The following AGMO variants were observed in gnomAD, a reference collection of about 807,000 sequenced individuals.
AGMO encodes glyceryl-ether monooxygenase.
In AGMO, 75 loss-of-function variants were observed where a neutral mutation model predicts 60.2. The ratio of observed to expected loss-of-function variants is 1.25; its 90% CI spans 1.03 to 1.51. AGMO has a LOEUF of 1.51. Among genes scored for constraint, AGMO ranks in the 40% most tolerant of loss-of-function variants. The probability of loss-of-function intolerance (pLI) is 0.00; values close to 1 mark genes in which losing one functional copy is unlikely to be tolerated. For missense variants in AGMO, 763 were observed against 525.5 expected, an observed-to-expected ratio of 1.45 and a Z score of -4.42; for synonymous variants, 261 against 177.1, an observed-to-expected ratio of 1.47 and a Z score of -3.76.
chr7:15,191,209 AT>A, the AGMO span, among the ~76,000 whole-genome samples: 1 of 152,142 alleles, frequency 6.6e-6, no homozygotes, highest in Non-Finnish European at 1.5e-5. Flanking sequence ...GGGAAAGAAA[AT>A]TTTAGACCAT....
intron 10 of AGMO, among the ~76,000 whole-genome samples, chr7:15,375,445 G>C (rs1464042617): frequency 7.1e-6 from 1 of 139,990 alleles, no homozygotes; most frequent in Non-Finnish European, 1.5e-5. Flanking sequence ...GCCTAGGCTG[G>C]AGTGCAGTAG....
At chr7:15,136,413 T>C in the AGMO span, among the ~76,000 whole-genome samples, 1 of 152,344 alleles carries the variant, frequency 6.6e-6, no homozygotes, top group Non-Finnish European at 1.5e-5. Flanking sequence ...ATTCCATTTA[T>C]ATAATCAAGG....
At chr7:15,248,214 A>ATGTATATATATATATATATATG (rs1554401265) in intron 12 of AGMO, among the ~76,000 whole-genome samples, 5 of 71,158 alleles carry the variant, frequency 7.0e-5, no homozygotes, top group Non-Finnish European at 1.5e-4. Context: ...ATATATATAT[A>ATGTATATATATATATATATATG]TATATATATA....
intron 4 of AGMO, among the ~76,000 whole-genome samples, chr7:15,421,047 C>A (rs538989787): frequency 2.0e-4 from 31 of 152,218 alleles, no homozygotes; most frequent in African/African-American, 7.0e-4. Context: ...ACTAAGTGAA[C>A]GTGGCGAGCA....
At chr7:15,497,275 G>C (rs934401577) in intron 3 of AGMO, among the ~76,000 whole-genome samples, 3 of 151,964 alleles carry the variant, frequency 2.0e-5, no homozygotes, top group African/African-American at 7.2e-5. Context: ...TCATGATACA[G>C]GCAAGATTTG....
chr7:15,340,855 T>C (rs1480168585), intron 12 of AGMO, among the ~76,000 whole-genome samples: 1 of 152,114 alleles, frequency 6.6e-6, no homozygotes, highest in African/African-American at 2.4e-5. Context: ...GGGCACTGCC[T>C]AGTGGAGCTG....
intron 12 of AGMO, among the ~76,000 whole-genome samples, chr7:15,280,069 T>C (rs115686327): frequency 0.018 from 2,752 of 152,238 alleles, 93 homozygotes; most frequent in African/African-American, 0.063. Flanking sequence ...TTGGCCAGAA[T>C]CAGGGGGTGA....
the AGMO span, among the ~76,000 whole-genome samples, chr7:15,152,045 T>C: frequency 6.6e-6 from 1 of 152,274 alleles, no homozygotes; most frequent in Non-Finnish European, 1.5e-5. Flanking sequence ...CTATAAGAAC[T>C]TCTCTAATGA....
At chr7:15,190,718 C>T in the AGMO span, among the ~76,000 whole-genome samples, 1 of 152,006 alleles carries the variant, frequency 6.6e-6, no homozygotes, top group Non-Finnish European at 1.5e-5. Flanking sequence ...TTGAGTAGTC[C>T]ATATCTGATC....
chr7:15,193,460 A>G, the AGMO span, among the ~76,000 whole-genome samples: 3 of 152,184 alleles, frequency 2.0e-5, no homozygotes, highest in Non-Finnish European at 4.4e-5. Flanking sequence ...GGTACATAAT[A>G]TAAGTTTATC....
intron 12 of AGMO, among the ~76,000 whole-genome samples, chr7:15,282,592 A>G (rs1783999240): frequency 6.6e-6 from 1 of 152,224 alleles, no homozygotes; most frequent in African/African-American, 2.4e-5. Context: ...TAAAATGGCC[A>G]GACCTAAAAA....
intron 12 of AGMO, among the ~76,000 whole-genome samples, chr7:15,230,785 C>A (rs545705220): frequency 1.6e-4 from 24 of 152,260 alleles, no homozygotes; most frequent in African/African-American, 5.8e-4. Context: ...TCTCTCCCCA[C>A]CGCAGAATCC....
intron 4 of AGMO, among the ~76,000 whole-genome samples, chr7:15,426,829 C>T (rs1781078435): frequency 6.6e-6 from 1 of 151,574 alleles, no homozygotes; most frequent in Non-Finnish European, 1.5e-5. Context: ...ATGGCATGTG[C>T]AAAGAAATAG....
chr7:15,494,588 C>T (rs1009805550), intron 3 of AGMO, among the ~76,000 whole-genome samples: 1 of 152,120 alleles, frequency 6.6e-6, no homozygotes. Flanking sequence ...GGACCATGTG[C>T]CACATGGGAG....
intron 3 of AGMO, among the ~76,000 whole-genome samples, chr7:15,477,467 A>C (rs1468571469): frequency 1.3e-5 from 2 of 152,158 alleles, no homozygotes; most frequent in East Asian, 3.9e-4. Flanking sequence ...ATGTGAATGA[A>C]TGAGACACTG....
chr7:15,280,079 A>C (rs1048454157), intron 12 of AGMO, among the ~76,000 whole-genome samples: 3 of 152,172 alleles, frequency 2.0e-5, no homozygotes, highest in African/African-American at 4.8e-5. Context: ...TCAGGGGGTG[A>C]GTGAGAAGCC....
intron 3 of AGMO, among the ~76,000 whole-genome samples, chr7:15,517,983 G>T (rs1179527359): frequency 6.6e-6 from 1 of 152,080 alleles, no homozygotes; most frequent in Non-Finnish European, 1.5e-5. Context: ...GAGCTTGGTT[G>T]GGGGAGGGGC....
intron 4 of AGMO, among the ~76,000 whole-genome samples, chr7:15,422,783 A>G (rs959647093): frequency 6.6e-6 from 1 of 152,088 alleles, no homozygotes; most frequent in Non-Finnish European, 1.5e-5. Context: ...GTACAAGAGG[A>G]AGCCTGCAGC....
At chr7:15,144,487 G>C in the AGMO span, among the ~76,000 whole-genome samples, 1 of 152,156 alleles carries the variant, frequency 6.6e-6, no homozygotes, top group African/African-American at 2.4e-5. Flanking sequence ...AGAAAAATAA[G>C]TCAAAAAAGG....
Sources: allele counts gnomAD v4.1 joint callset (sites outside exome capture counted in the v4.1 genomes callset), GRCh38; gene constraint gnomAD v4.1.1; transcripts MANE v1.5; gene names NCBI Gene and HGNC (gene_info 2026-07-23, HGNC 2026-07-21).